CDH13: variants seen among roughly 807,000 people sequenced by gnomAD.
CDH13 encodes cadherin 13.
In CDH13, 24 loss-of-function variants were observed where a neutral mutation model predicts 63.8. The ratio of observed to expected loss-of-function variants is 0.38; its 90% confidence interval spans 0.27 to 0.53. The LOEUF (loss-of-function observed/expected upper bound fraction) is 0.53. Ranked by LOEUF, CDH13 falls within the 20% of genes least tolerant of loss-of-function variation. The pLI is 0.85. For missense variants in CDH13, 1,049 were observed against 903.1 expected, an observed-to-expected ratio of 1.16 and a Z score of -2.07; for synonymous variants, 503 against 355.3, an observed-to-expected ratio of 1.42 and a Z score of -4.67.
At chr16:82,913,121 A>AT (rs980284412) in intron 2 of CDH13, among the ~76,000 whole-genome samples, 1 of 152,040 alleles carries the variant, frequency 6.6e-6, no homozygotes, top group East Asian at 1.9e-4. Context: ...GTTTAAGTAA[A>AT]TTTTTTTCTT....
At position 83,382,023 on chromosome 16, in the gene CDH13, G is replaced by A. The variant is rs1322140558; in HGVS notation, c.781+37017G>A. Among the ~76,000 whole-genome samples, 6 of 152,258 alleles carry A rather than the reference G, an allele frequency of 3.9e-5. 1 individual carries two copies. The South Asian group carries it at 6.2e-4, about 16-fold the overall frequency. On this transcript the variant is annotated intron_variant, in intron 6 of 13. Transcript: ENST00000567109. ...GAAAAAGTCTCCCTTATGACCTAAC[G>A]GCTTAGAGCATGGGTCCCATAATCC...
chr16:83,110,685 C>T (rs952179992), intron 3 of CDH13, among the ~76,000 whole-genome samples: 1 of 152,024 alleles, frequency 6.6e-6, no homozygotes, highest in Non-Finnish European at 1.5e-5. Flanking sequence ...GATAGATAAC[C>T]GAAGTACATT....
chr16:83,074,836 C>T (rs2032706105), intron 3 of CDH13, among the ~76,000 whole-genome samples: 1 of 152,174 alleles, frequency 6.6e-6, no homozygotes, highest in Non-Finnish European at 1.5e-5. Context: ...CTCAGGTCTT[C>T]TGATTCCAGA....
intron 12 of CDH13, among the ~76,000 whole-genome samples, chr16:83,781,447 G>C (rs1364115): frequency 0.24 from 36,860 of 152,120 alleles, 5,203 homozygotes; most frequent in East Asian, 0.6. Flanking sequence ...AGAGAATTAC[G>C]CATTTCATTA....
intron 5 of CDH13, among the ~76,000 whole-genome samples, chr16:83,328,114 C>G (rs1456697162): frequency 8.7e-6 from 1 of 115,118 alleles, no homozygotes; most frequent in African/African-American, 3.5e-5. Context: ...GCCCAGGAGA[C>G]AGTATTGTCA....
intron 11 of CDH13, among the ~76,000 whole-genome samples, chr16:83,779,476 C>T (rs1411711706): frequency 1.0e-5 from 1 of 95,906 alleles, no homozygotes; most frequent in Non-Finnish European, 2.1e-5. Context: ...AACCACTAAA[C>T]TTTATACCAA....
At chr16:82,787,696 C>T (rs2036084397) in intron 1 of CDH13, among the ~76,000 whole-genome samples, 3 of 152,192 alleles carry the variant, frequency 2.0e-5, no homozygotes, top group Non-Finnish European at 4.4e-5. Context: ...GTTTCACAAC[C>T]AGTGGGAAAA....
intron 6 of CDH13, among the ~76,000 whole-genome samples, chr16:83,482,289 A>T (rs955019455): frequency 1.3e-5 from 2 of 152,220 alleles, no homozygotes; most frequent in African/African-American, 2.4e-5. Context: ...ACAACAGTCT[A>T]TACCCTCCAA....
At chr16:82,881,884 G>A (rs2040715706) in intron 2 of CDH13, among the ~76,000 whole-genome samples, 1 of 152,056 alleles carries the variant, frequency 6.6e-6, no homozygotes, top group South Asian at 2.1e-4. Flanking sequence ...TTTGAGGCTG[G>A]CACCACCCTG....
At chr16:83,633,565 C>T (rs778957843) in intron 8 of CDH13, among the ~76,000 whole-genome samples, 3 of 152,124 alleles carry the variant, frequency 2.0e-5, no homozygotes, top group Non-Finnish European at 4.4e-5. Context: ...GGGTTTTTTT[C>T]TCCATTGAAA....
At chr16:83,033,306 A>G (rs1488034233) in intron 3 of CDH13, among the ~76,000 whole-genome samples, 2 of 151,804 alleles carry the variant, frequency 1.3e-5, no homozygotes, top group Non-Finnish European at 2.9e-5. Context: ...ACGGTTCTGT[A>G]TATATATACG....
At chr16:83,257,891 TATAAGC>T (rs1272694041) in intron 5 of CDH13, among the ~76,000 whole-genome samples, 2 of 152,364 alleles carry the variant, frequency 1.3e-5, no homozygotes, top group East Asian at 3.9e-4. Context: ...ACCAACAATG[TATAAGC>T]AGTCCTTTTT....
rs143573173 is a variant in CDH13, at chr16:82,931,938, A to G, written c.157+73465A>G. Among the ~76,000 whole-genome samples, 291 of 152,286 alleles carry G rather than the reference A, an allele frequency of 1.9e-3. 1 individual carries two copies. Among genetic ancestry groups the G allele is most frequent in the African/African-American group, 6.2e-3 (257 of 41,570 alleles). On this transcript the variant is annotated intron_variant, in intron 2 of 13. Coordinates refer to ENST00000567109, the MANE Select transcript of CDH13 (RefSeq NM_001257.5). Reference sequence around the variant, plus strand: ...ATATCACCTTACAAGTTCCATGTCTAGTACAGAGCTTGACCCTAAGTGGAT... The same window carrying G: ...ATATCACCTTACAAGTTCCATGTCTGGTACAGAGCTTGACCCTAAGTGGAT...
chr16:83,673,547 G>T (rs938917974), intron 9 of CDH13, among the ~76,000 whole-genome samples: 1 of 150,412 alleles, frequency 6.6e-6, no homozygotes, highest in Non-Finnish European at 1.5e-5. Flanking sequence ...ACCAACCTTG[G>T]CAACAGAGTG....
chr16:82,912,363 C>G (rs1438001150), intron 2 of CDH13, among the ~76,000 whole-genome samples: 1 of 152,178 alleles, frequency 6.6e-6, no homozygotes, highest in Non-Finnish European at 1.5e-5. Flanking sequence ...CTTTATGGGT[C>G]TCCACAATAA....
intron 5 of CDH13, among the ~76,000 whole-genome samples, chr16:83,298,259 A>G (rs549034919): frequency 1.3e-5 from 2 of 152,092 alleles, no homozygotes; most frequent in South Asian, 2.1e-4. Flanking sequence ...ACGAGACAAA[A>G]TGAGATGAGA....
At chr16:83,212,493 T>A (rs1185398844) in intron 4 of CDH13, among the ~76,000 whole-genome samples, 1 of 152,220 alleles carries the variant, frequency 6.6e-6, no homozygotes. Context: ...CGTAGAGATG[T>A]TGCATCTAGT....
chr16:83,083,425 T>C (rs1054093883), intron 3 of CDH13, among the ~76,000 whole-genome samples: 1 of 152,164 alleles, frequency 6.6e-6, no homozygotes, highest in Non-Finnish European at 1.5e-5. Flanking sequence ...TTCCAATCTG[T>C]GTAGTCCTGC....
intron 5 of CDH13, among the ~76,000 whole-genome samples, chr16:83,271,422 TAAA>T (rs56382330): frequency 0.025 from 642 of 25,990 alleles, 44 homozygotes; most frequent in African/African-American, 0.066. Context: ...GCAGAGTTCA[TAAA>T]AAAAAAAAAA....
Sources: gnomAD v4.1 joint callset for allele counts (sites outside exome capture counted in the v4.1 genomes callset) on GRCh38, gnomAD v4.1.1 for gene constraint, MANE v1.5 for transcripts, NCBI Gene and HGNC (gene_info 2026-07-23, HGNC 2026-07-21) for gene names.